The following ITIH2 variants were observed in gnomAD, a reference collection of about 807,000 sequenced individuals.
The protein encoded by ITIH2 is inter-alpha-trypsin inhibitor heavy chain 2, also known as inter-alpha-trypsin inhibitor heavy chain H2.
ITIH2 carries 103 observed loss-of-function variants against 104.4 expected under a neutral mutation model. The observed-to-expected ratio is 0.99, with a 90% CI of 0.84 to 1.16. The LOEUF is 1.16. ITIH2 is among the 50% of genes most tolerant of loss of function. ITIH2 has a pLI of 0.00. For synonymous variants in ITIH2, 436 were observed against 435.4 expected (o/e 1.00, Z -0.02); for missense variants, 1,108 against 1,162.4 (o/e 0.95, Z 0.68).
intron 15 of ITIH2, among the ~76,000 whole-genome samples, chr10:7,737,273 C>G (rs999754543): frequency 6.6e-6 from 1 of 151,104 alleles, no homozygotes; most frequent in African/African-American, 2.4e-5. Context: ...AGTATCCAGG[C>G]ACCCCCGAGG....
chr10:7,721,933 G>A (rs184354132), intron 8 of ITIH2, among the ~76,000 whole-genome samples, 156 bp downstream of exon 8: 11 of 152,222 alleles, frequency 7.2e-5, no homozygotes, highest in East Asian at 5.8e-4. Flanking sequence ...TGAATATACC[G>A]CTAAGCATTA....
At chr10:7,738,404 C>T (rs1350950116) in intron 15 of ITIH2, among the ~76,000 whole-genome samples, 1 of 149,222 alleles carries the variant, frequency 6.7e-6, no homozygotes, top group Non-Finnish European at 1.5e-5. Context: ...CCACTGCCAC[C>T]CTTGCTCAGG....
Position 7,744,255 on chromosome 10 carries a change from G to T in ITIH2, c.2383G>T (p.Asp795Tyr), listed in dbSNP as rs541401394. 3.4e-5 allele frequency: 55 copies of T among 1,613,916 alleles called. 3 individuals are homozygous for T. The South Asian group carries it at 6.0e-4, about 18-fold the overall frequency. The change falls in exon 18 of 21, where the codon GAC becomes TAC. Residue 795 changes from aspartate to tyrosine, a missense_variant. Coordinates refer to ENST00000358415, the MANE Select transcript of ITIH2 (RefSeq NM_002216.3). ...GSSTFSLSWSDTAQVTNQRVQ... is the reference protein window; with the variant it reads ...GSSTFSLSWSYTAQVTNQRVQ... ...TAGCACATTCTCCTTGTCCTGGTCC[G>T]ACACGGCTCAAGTCACGAATCAGAG...
At chr10:7,746,068 TAAAAAAAAAAAAAAAAAA>T (rs372266950) in intron 19 of ITIH2, among the ~76,000 whole-genome samples, 2 of 35,772 alleles carry the variant, frequency 5.6e-5, no homozygotes, top group East Asian at 1.1e-3. Context: ...ATCTTAAATT[TAAAAAAAAAAAAAAAAAA>T]AAAAAAAAAA....
chr10:7,721,829 C>T (rs1217574184), intron 8 of ITIH2, 52 bp downstream of exon 8: 4 of 1,598,564 alleles, frequency 2.5e-6, no homozygotes, highest in Non-Finnish European at 1.7e-6. Flanking sequence ...CAAAGAGCTG[C>T]TCCTTTTTGA....
intron 15 of ITIH2, among the ~76,000 whole-genome samples, chr10:7,736,452 A>G (rs534585523): frequency 1.3e-5 from 2 of 152,160 alleles, no homozygotes; most frequent in Non-Finnish European, 2.9e-5. Flanking sequence ...ACTATATCCT[A>G]TTGTAATATA....
Position 7,727,087 on chromosome 10 carries a change from G to T in ITIH2, c.1122G>T (p.Lys374Asn), listed in dbSNP as rs1297199393. 1 of 1,614,140 alleles carries T rather than the reference G, an allele frequency of 6.2e-7. No homozygotes were observed. The highest frequency in any genetic ancestry group is 1.1e-5 in the South Asian group (1 of 91,070). The change falls in exon 10 of 21, where the codon AAG (lysine) becomes AAT (asparagine). Residue 374 changes from lysine to asparagine, a missense_variant. By Grantham distance (94) the Lys-to-Asn change is moderately conservative. Coordinates refer to ENST00000358415, the MANE Select transcript of ITIH2 (RefSeq NM_002216.3). ...SATKTQVADAKRYIEKIQPSG... is the reference protein window; with the variant it reads ...SATKTQVADANRYIEKIQPSG... The stretch of plus-strand genomic sequence containing the variant: ...CAAAAACACAGGTTGCAGATGCCAA[G>T]AGGTATATTGAGAAAATCCAGCCCA...
At chr10:7,735,674 C>CTTTTTTT (rs35122608) in intron 15 of ITIH2, among the ~76,000 whole-genome samples, 1 of 130,556 alleles carries the variant, frequency 7.7e-6, no homozygotes, top group African/African-American at 3.0e-5. Flanking sequence ...CTTTTCTTTT[C>CTTTTTTT]TTTTTTTTTT....
chr10:7,722,114 G>T (rs1834909798), intron 8 of ITIH2, among the ~76,000 whole-genome samples: 1 of 152,154 alleles, frequency 6.6e-6, no homozygotes, highest in Non-Finnish European at 1.5e-5. Context: ...ATTACGGGGT[G>T]AGGAGGAAGG....
At position 7,709,065 on chromosome 10, in the gene ITIH2, C is replaced by A. The variant is rs749149620; in HGVS notation, c.236C>A (p.Ser79Tyr). ...ACTCTTTATAGCTATAAAGTCCAGT[C>A]TACTATTACTTCTCGGATGGCCACC... ...QVTLYSYKVQ[S>Y]TITSRMATTM... The change falls in exon 4 of 21, where the codon TCT becomes TAT. Residue 79 changes from serine to tyrosine, a missense_variant. Coordinates refer to ENST00000358415, the MANE Select transcript of ITIH2 (RefSeq NM_002216.3). 105 of 1,613,882 alleles carry A rather than the reference C, an allele frequency of 6.5e-5. No individual in the cohort carries two copies. In the Middle Eastern group the frequency reaches 6.6e-4, roughly 10 times the overall value.
At chr10:7,732,149 CTA>C (rs1441384616) in intron 13 of ITIH2, among the ~76,000 whole-genome samples, 153 bp downstream of exon 13, 6 of 152,204 alleles carry the variant, frequency 3.9e-5, no homozygotes, top group Non-Finnish European at 8.8e-5. Flanking sequence ...ATCTTCCCAG[CTA>C]TTCCATAAAT....
rs1834957847 is a variant in ITIH2, at chr10:7,727,072, G to T, written c.1107G>T (p.Gln369His). ...ATTTAATTTCAGCTACAAAAACACA[G>T]GTTGCAGATGCCAAGAGGTATATTG... ...RNDLISATKTQVADAKRYIEK... is the reference protein window; with the variant it reads ...RNDLISATKTHVADAKRYIEK... The change falls in exon 10 of 21, where the codon CAG becomes CAT. Residue 369 changes from glutamine to histidine, a missense_variant. By Grantham distance (24) the Gln-to-His change is conservative. Transcript: ENST00000358415. 1 of 1,614,056 alleles carries T rather than the reference G, an allele frequency of 6.2e-7. No homozygotes were observed. Among genetic ancestry groups the T allele is most frequent in the African/African-American group, 1.3e-5 (1 of 74,946 alleles).
In ITIH2 at chr10:7,744,125, C is replaced by A; in HGVS notation, c.2253C>A (p.Asn751Lys). ...NGQLVGAKKPNNGKLSTYFGK... is the reference protein window; with the variant it reads ...NGQLVGAKKPKNGKLSTYFGK... ...AGCTTGTTGGTGCCAAGAAGCCCAA[C>A]AATGGAAAACTAAGCACCTATTTTG... The change falls in exon 18 of 21, where the codon AAC becomes AAA. Residue 751 changes from asparagine (N) to lysine (K), a missense_variant. By Grantham distance (94) the Asn-to-Lys change is moderately conservative. Coordinates refer to ENST00000358415, the MANE Select transcript of ITIH2 (RefSeq NM_002216.3). The A allele has an allele frequency of 6.2e-7, 1 of 1,614,042 alleles. No homozygotes were observed.
At chr10:7,719,760 CAAAA>C (rs71385664) in intron 6 of ITIH2, among the ~76,000 whole-genome samples, 3 of 41,712 alleles carry the variant, frequency 7.2e-5, no homozygotes, top group African/African-American at 1.0e-4. Context: ...GACCCTGTCT[CAAAA>C]AAAAAAAAAA....
rs753394288 is a variant in ITIH2 at position 7,744,965 on chromosome 10, T to C, written c.2581+2T>C. The C allele has an allele frequency of 8.1e-6, 13 of 1,612,292 alleles. No individual in the cohort carries two copies. The highest frequency in any genetic ancestry group is 8.5e-6 in the Non-Finnish European group (10 of 1,178,686). ...CACCTAAAGCCCACGGACTAATAGG[T>C]AAAGTGTCTATTGACCATCTGACAA... On this transcript the variant is annotated splice_donor_variant, in intron 19 of 20. Transcript: ENST00000358415. LOFTEE classifies it high-confidence loss of function.
chr10:7,703,410 G>T lies in ITIH2; in HGVS notation c.-25G>T. ...TCCTCCCCAGACCATCTGCTTTGGG[G>T]AGCTTGGCAAAACTGTCCAGCAAAA... On this transcript the variant is annotated 5_prime_UTR_variant, in exon 1 of 21. Transcript: ENST00000358415. 1 of 1,573,186 alleles carries T rather than the reference G, an allele frequency of 6.4e-7. No individual in the cohort carries two copies. The highest frequency in any genetic ancestry group is 8.8e-7 in the Non-Finnish European group (1 of 1,142,604).
rs542739500 is a variant in ITIH2, at chr10:7,743,561, G to A, written c.2209+302G>A. The stretch of plus-strand genomic sequence containing the variant: ...GGCCGAGGTGGGCGGATCATCTGAG[G>A]TCAAGAGTTCGAGACCAGCCTGGTC... On this transcript the variant is annotated intron_variant, in intron 17 of 20. Coordinates refer to ENST00000358415, the MANE Select transcript of ITIH2 (RefSeq NM_002216.3). Among the ~76,000 whole-genome samples the A allele has an allele frequency of 2.9e-3, 448 of 152,100 alleles. 1 individual carries two copies. The highest frequency in any genetic ancestry group is 4.5e-3 in the Non-Finnish European group (303 of 68,010).
At chr10:7,735,341 A>C (rs534190188) in intron 15 of ITIH2, among the ~76,000 whole-genome samples, 1 of 152,130 alleles carries the variant, frequency 6.6e-6, no homozygotes, top group African/African-American at 2.4e-5. Flanking sequence ...CATTTTTGAC[A>C]TCAATATTTG....
In ITIH2 at chr10:7,717,653, C is replaced by A; in HGVS notation, c.495C>A (p.Phe165Leu). ...GCAGCGCTCTTGATATGGAAAACTTCAGAACGGAAGTAAATGTCCTCCCAG... is the reference window on the plus strand; with the variant it reads ...GCAGCGCTCTTGATATGGAAAACTTAAGAACGGAAGTAAATGTCCTCCCAG... ...VRSSALDMEN[F>L]RTEVNVLPGA... The change falls in exon 6 of 21, where the codon TTC becomes TTA. Residue 165 changes from phenylalanine (F) to leucine (L), a missense_variant. By Grantham distance (22) the Phe-to-Leu change is conservative. Transcript: ENST00000358415. The A allele has an allele frequency of 1.2e-6, 2 of 1,613,972 alleles. No individual in the cohort carries two copies. The highest frequency in any genetic ancestry group is 1.7e-6 in the Non-Finnish European group (2 of 1,179,924).
Sources: allele counts gnomAD v4.1 joint callset (sites outside exome capture counted in the v4.1 genomes callset), GRCh38; gene constraint gnomAD v4.1.1; transcripts MANE v1.5; gene names NCBI Gene and HGNC (gene_info 2026-07-23, HGNC 2026-07-21).